Variants in PPFIA4 observed in about 807,000 individuals in gnomAD.
PPFIA4 encodes PPFI scaffold protein A4.
PPFIA4 carries 98 observed loss-of-function variants against 145.7 expected under a neutral mutation model. The ratio of observed to expected loss-of-function variants is 0.67; its 90% confidence interval spans 0.57 to 0.80. PPFIA4 has a LOEUF of 0.80. Ranked by LOEUF, PPFIA4 falls within the 30% of genes least tolerant of loss-of-function variation. PPFIA4 has a pLI of 0.00. For synonymous variants in PPFIA4, 628 were observed against 649.6 expected (o/e 0.97, Z 0.51); for missense variants, 1,457 against 1,632.7 (o/e 0.89, Z 1.85).
chr1:203,058,848 C>T (rs1661158769), intron 19 of PPFIA4, among the ~76,000 whole-genome samples: 1 of 152,078 alleles, frequency 6.6e-6, no homozygotes, highest in Non-Finnish European at 1.5e-5. Flanking sequence ...GTTTGGGGCT[C>T]TGGGTTTCCT....
chr1:203,041,794 C>T (rs1659713039), intron 2 of PPFIA4, among the ~76,000 whole-genome samples: 1 of 150,414 alleles, frequency 6.6e-6, no homozygotes, highest in Non-Finnish European at 1.5e-5. Flanking sequence ...CAAGCCCTGT[C>T]TCTGGTTACA....
Position 203,048,832 on chromosome 1 carries a change from G to A in PPFIA4, c.1357-86G>A, listed in dbSNP as rs1300565556. The A allele has an allele frequency of 5.2e-6, 8 of 1,532,498 alleles. No homozygotes were observed. The highest frequency in any genetic ancestry group is 6.2e-6 in the Non-Finnish European group (7 of 1,136,172). The allele number at this position is 1,532,498 out of a possible 1,614,324, so 94.9% of individuals were successfully genotyped here. On this transcript the variant is annotated intron_variant, in intron 11 of 29. Coordinates refer to ENST00000295706, the MANE Select transcript of PPFIA4 (RefSeq NM_001304331.2). This position sits in a 1 kb window ranked among gnomAD's most constrained non-coding sequence, Gnocchi z 5.8. ...ATGGGGTGGGTGGCCAGCCTGGAGAGGTGGGGCTGAGACTGCACACCCAGA... is the reference window on the plus strand; with the variant it reads ...ATGGGGTGGGTGGCCAGCCTGGAGAAGTGGGGCTGAGACTGCACACCCAGA...
Position 203,075,885 on chromosome 1 carries a change from C to A in PPFIA4, c.3574+128C>A. ...GGTGCCCCGCGCTCCTGCGCTGCAG[C>A]TGCACTAACGCTCCGCGGGGAGCGT... On this transcript the variant is annotated intron_variant, in intron 29 of 29. Coordinates refer to ENST00000295706, the MANE Select transcript of PPFIA4 (RefSeq NM_001304331.2). The surrounding 1 kb of genome is among the most constrained non-coding windows in gnomAD (Gnocchi z 4.1). 1.0e-6 allele frequency: 1 copy of A among 964,934 alleles called. No individual in the cohort carries two copies. Among genetic ancestry groups the A allele is most frequent in the Non-Finnish European group, 1.4e-6 (1 of 706,420 alleles). 59.8% of individuals were successfully genotyped at this position (964,934 alleles called of 1,614,324 possible). A position where few individuals can be genotyped will look rare whatever the true frequency, so the allele number is the denominator to read the frequency against.
chr1:203,076,176 G>C, intron 29 of PPFIA4, 165 bp from the exon 30 acceptor site: 1 of 763,232 alleles, frequency 1.3e-6, no homozygotes, highest in South Asian at 1.7e-5. Context: ...CTCCAGTCCC[G>C]CTTACCAGCA....
intron 13 of PPFIA4, among the ~76,000 whole-genome samples, chr1:203,050,390 C>T (rs537562580): frequency 2.0e-5 from 3 of 152,120 alleles, no homozygotes; most frequent in Non-Finnish European, 2.9e-5. Flanking sequence ...GAATTCAGAC[C>T]TCGAGCCTGT....
Position 203,068,754 on chromosome 1 carries a change from A to G in PPFIA4, c.3324+126A>G. On this transcript the variant is annotated intron_variant, in intron 27 of 29. Transcript: ENST00000295706. This position sits in a 1 kb window ranked among gnomAD's most constrained non-coding sequence, Gnocchi z 4.7. ...GGGGAGCTTTTCTAGGGCCTATGCC[A>G]GAGGGGATCGCAATGTCCTCAATTC... 1 of 998,280 alleles carries G rather than the reference A, an allele frequency of 1.0e-6. No individual in the cohort carries two copies. The highest frequency in any genetic ancestry group is 1.4e-6 in the Non-Finnish European group (1 of 724,840). 61.8% of individuals were successfully genotyped at this position (998,280 alleles called of 1,614,324 possible).
chr1:203,071,216 C>A (rs554624511), intron 27 of PPFIA4, among the ~76,000 whole-genome samples: 1 of 143,560 alleles, frequency 7.0e-6, no homozygotes, highest in African/African-American at 2.6e-5. Flanking sequence ...GTCCCCCAGG[C>A]TGGAGTGCAG....
chr1:203,072,124 T>G (rs1159688757), intron 28 of PPFIA4, among the ~76,000 whole-genome samples: 1 of 152,118 alleles, frequency 6.6e-6, no homozygotes, highest in African/African-American at 2.4e-5. Flanking sequence ...TCTCAGACCA[T>G]GTATCTTCAG....
At chr1:203,070,993 A>C (rs1662115445) in intron 27 of PPFIA4, among the ~76,000 whole-genome samples, 1 of 147,446 alleles carries the variant, frequency 6.8e-6, no homozygotes, top group Non-Finnish European at 1.5e-5. Context: ...TTGTTCTATC[A>C]CCCGATCTGG....
rs78717186 is a variant in PPFIA4 at position 203,048,326 on chromosome 1, C to G, written c.1224+16C>G. 3.7e-6 allele frequency: 6 copies of G among 1,609,618 alleles called. No homozygotes were observed. Among genetic ancestry groups the G allele is most frequent in the Middle Eastern group, 1.7e-4 (1 of 5,964 alleles). On this transcript the variant is annotated intron_variant, in intron 10 of 29. Transcript: ENST00000295706. The surrounding 1 kb of genome is among the most constrained non-coding windows in gnomAD (Gnocchi z 5.8). ...GCTGGCACGGGTGAGGGCACCAGGC[C>G]GGGCCCTCAGGCCCCCTCCTTCCCG...
Position 203,048,999 on chromosome 1 carries a change from C to T in PPFIA4, c.1419+19C>T, listed in dbSNP as rs1660298960. The T allele has an allele frequency of 1.3e-6, 2 of 1,546,054 alleles. No homozygotes were observed. The highest frequency in any genetic ancestry group is 1.4e-5 in the African/African-American group (1 of 72,804). On this transcript the variant is annotated intron_variant, in intron 12 of 29. Coordinates refer to ENST00000295706, the MANE Select transcript of PPFIA4 (RefSeq NM_001304331.2). The surrounding 1 kb of genome is among the most constrained non-coding windows in gnomAD (Gnocchi z 5.8). ...CCACAAGGTACCCGGCTGCGGCCAGCCCCGCCCAGCCTGGGAGGGCCGGGT... is the reference window on the plus strand; with the variant it reads ...CCACAAGGTACCCGGCTGCGGCCAGTCCCGCCCAGCCTGGGAGGGCCGGGT...
chr1:203,065,911 T>C (rs1272326773), intron 25 of PPFIA4, among the ~76,000 whole-genome samples: 1 of 152,148 alleles, frequency 6.6e-6, no homozygotes, highest in Non-Finnish European at 1.5e-5. Flanking sequence ...CTAGAAGAGC[T>C]CCTGTTTTGG....
intron 25 of PPFIA4, 52 bp from the exon 26 acceptor site, chr1:203,067,643 T>C: frequency 6.8e-7 from 1 of 1,469,512 alleles, no homozygotes; most frequent in Non-Finnish European, 9.5e-7. Flanking sequence ...AGACAGGTGG[T>C]GTGGGAATGT....
chr1:203,075,031 AG>A lies in PPFIA4; in HGVS notation c.3394-544del, dbSNP rs1460126263. 6.6e-6 allele frequency among the ~76,000 whole-genome samples: 1 copy of A among 152,124 alleles called. No individual in the cohort carries two copies. The highest frequency in any genetic ancestry group is 6.5e-5 in the Admixed American group (1 of 15,284). On this transcript the variant is annotated intron_variant, in intron 28 of 29. Coordinates refer to ENST00000295706, the MANE Select transcript of PPFIA4 (RefSeq NM_001304331.2). This position sits in a 1 kb window ranked among gnomAD's most constrained non-coding sequence, Gnocchi z 4.1. Reference sequence around the variant, plus strand: ...TCTCATTTTACAGATAAGGAAACTGAGGCTCAGAGGGGTCACTCACCTGGTA... The same window carrying A: ...TCTCATTTTACAGATAAGGAAACTGAGCTCAGAGGGGTCACTCACCTGGTA...
rs769745768 is a variant in PPFIA4, at chr1:203,034,736, A to AAGGCCG, written c.-399-3870_-399-3865dup. ...CCCAGGCTGGAGGAGGAGGACAGGG[A>AAGGCCG]AGGCCGAGGGGAGCTGTCCTCCGGC... On this transcript the variant is annotated intron_variant, in intron 1 of 29. Coordinates refer to ENST00000295706, the MANE Select transcript of PPFIA4 (RefSeq NM_001304331.2). 3.7e-5 allele frequency: 17 copies of AAGGCCG among 456,412 alleles called. No individual in the cohort carries two copies. The Middle Eastern group carries it at 2.3e-3, about 61-fold the overall frequency. 28.3% of individuals were successfully genotyped at this position (456,412 alleles called of 1,614,324 possible). A position where few individuals can be genotyped will look rare whatever the true frequency, so the allele number is the denominator to read the frequency against.
Position 203,075,848 on chromosome 1 carries a change from G to A in PPFIA4, c.3574+91G>A. ...AGGGCCGGGCCGGGTGGAGAGGGGC[G>A]AGGCCGAGGCTGGTGCCCCGCGCTC... On this transcript the variant is annotated intron_variant, in intron 29 of 29. Coordinates refer to ENST00000295706, the MANE Select transcript of PPFIA4 (RefSeq NM_001304331.2). The surrounding 1 kb of genome is among the most constrained non-coding windows in gnomAD (Gnocchi z 4.1). The A allele has an allele frequency of 8.1e-7, 1 of 1,239,648 alleles. No individual in the cohort carries two copies. The highest frequency in any genetic ancestry group is 1.0e-6 in the Non-Finnish European group (1 of 956,448). 76.8% of individuals were successfully genotyped at this position (1,239,648 alleles called of 1,614,324 possible). A position where few individuals can be genotyped will look rare whatever the true frequency, so the allele number is the denominator to read the frequency against.
chr1:203,041,856 A>G (rs967949470), intron 2 of PPFIA4, among the ~76,000 whole-genome samples: 1 of 152,214 alleles, frequency 6.6e-6, no homozygotes, highest in Non-Finnish European at 1.5e-5. Context: ...GTGTTTGTGC[A>G]TAAGCTGAGG....
At chr1:203,066,348 G>A (rs1661729157) in intron 25 of PPFIA4, among the ~76,000 whole-genome samples, 1 of 152,232 alleles carries the variant, frequency 6.6e-6, no homozygotes, top group Non-Finnish European at 1.5e-5. Context: ...GCTGAGAAGT[G>A]AGGGGAGAAA....
At position 203,068,582 on chromosome 1, in the gene PPFIA4, A is replaced by G; in HGVS notation, c.3278A>G (p.His1093Arg). The stretch of plus-strand genomic sequence containing the variant: ...CTGGCCCTGGACGAGAACTTCGACC[A>G]CAACACACTGGCCCTGATCCTCCAG... The part of the protein sequence containing the change: ...ALLALDENFD[H>R]NTLALILQIP... Residue 1093 changes from histidine (H) to arginine (R), a missense_variant, in exon 27 of 30, where the codon CAC becomes CGC. This residue lies in a region of PPFIA4 where 848 missense variants were observed against 1,046.7 expected (regional missense o/e 0.81). Coordinates refer to ENST00000295706, the MANE Select transcript of PPFIA4 (RefSeq NM_001304331.2). The surrounding 1 kb of genome is among the most constrained non-coding windows in gnomAD (Gnocchi z 4.7). The G allele has an allele frequency of 6.3e-7, 1 of 1,592,320 alleles. No homozygotes were observed. Among genetic ancestry groups the G allele is most frequent in the Non-Finnish European group, 8.5e-7 (1 of 1,170,192 alleles).
Sources: gnomAD v4.1 joint callset for allele counts (sites outside exome capture counted in the v4.1 genomes callset) on GRCh38, gnomAD v4.1.1 for gene constraint, gnomAD v4.1.1 regional missense constraint, Gnocchi (gnomAD v3.1) non-coding constraint, MANE v1.5 for transcripts, NCBI Gene and HGNC (gene_info 2026-07-23, HGNC 2026-07-21) for gene names.